Variants in EPSTI1 observed in about 807,000 individuals in gnomAD.
EPSTI1 encodes epithelial stromal interaction 1, also known as epithelial-stromal interaction protein 1.
In EPSTI1, 66 loss-of-function variants were observed where a neutral mutation model predicts 49.9. The ratio of observed to expected loss-of-function variants is 1.32; its 90% confidence interval spans 1.08 to 1.62. EPSTI1 has a LOEUF of 1.62. Ranked by LOEUF, EPSTI1 falls within the 40% of genes most tolerant of loss-of-function variation. EPSTI1 has a pLI of 0.00. For synonymous variants in EPSTI1, 137 were observed against 130.7 expected (o/e 1.05, Z -0.33); for missense variants, 394 against 365.5 (o/e 1.08, Z -0.64).
intron 6 of EPSTI1, among the ~76,000 whole-genome samples, chr13:42,943,952 A>T (rs1006803178): frequency 6.6e-6 from 1 of 152,250 alleles, no homozygotes; most frequent in African/African-American, 2.4e-5. Context: ...AGAAATGCAA[A>T]TCAAAATCAC....
In EPSTI1 at chr13:42,941,625, A is replaced by AC. The variant is rs2038753444; in HGVS notation, c.563+12322_563+12323insG. Reference sequence around the variant, plus strand: ...ACAGAGCAAGACACTGGAAAAAAAAAAAAACAGAAAAAAAATTTTTTAAGT... The same window carrying AC: ...ACAGAGCAAGACACTGGAAAAAAAAACAAAACAGAAAAAAAATTTTTTAAGT... On this transcript the variant is annotated intron_variant, in intron 6 of 10. Transcript: ENST00000313624. 2.7e-5 allele frequency among the ~76,000 whole-genome samples: 4 copies of AC among 150,730 alleles called. No homozygotes were observed. The South Asian group carries it at 8.4e-4, about 31-fold the overall frequency.
At chr13:42,904,116 T>A (rs1485175964) in intron 8 of EPSTI1, among the ~76,000 whole-genome samples, 1 of 152,102 alleles carries the variant, frequency 6.6e-6, no homozygotes, top group Non-Finnish European at 1.5e-5. Flanking sequence ...AGGAAACCCA[T>A]AAACAAGTGA....
intron 10 of EPSTI1, among the ~76,000 whole-genome samples, chr13:42,889,963 T>C (rs2036979505): frequency 6.6e-6 from 1 of 152,208 alleles, no homozygotes; most frequent in Non-Finnish European, 1.5e-5. Context: ...CCTAATTTCA[T>C]GTAAGTACTC....
chr13:42,953,190 A>G (rs1335989074), intron 6 of EPSTI1, among the ~76,000 whole-genome samples: 4 of 151,348 alleles, frequency 2.6e-5, no homozygotes, highest in Non-Finnish European at 5.9e-5. Flanking sequence ...CTTTTATGTC[A>G]TTTACATATT....
chr13:42,991,426 C>T (rs1171338952), intron 1 of EPSTI1, among the ~76,000 whole-genome samples: 1 of 152,202 alleles, frequency 6.6e-6, no homozygotes, highest in Non-Finnish European at 1.5e-5. Flanking sequence ...GCTGGGACTA[C>T]AGGCACGTGC....
At chr13:42,946,907 G>A (rs1226239766) in intron 6 of EPSTI1, among the ~76,000 whole-genome samples, 2 of 152,182 alleles carry the variant, frequency 1.3e-5, no homozygotes, top group Non-Finnish European at 2.9e-5. Context: ...ATCTGAGGTG[G>A]AACAGTTTCA....
intron 6 of EPSTI1, among the ~76,000 whole-genome samples, chr13:42,948,500 G>A (rs1303087350): frequency 1.3e-5 from 2 of 149,034 alleles, no homozygotes; most frequent in Non-Finnish European, 3.0e-5. Flanking sequence ...GTGAGACAAG[G>A]TCTCGTTCTG....
At chr13:42,923,921 G>C (rs1004807909) in intron 7 of EPSTI1, among the ~76,000 whole-genome samples, 2 of 152,148 alleles carry the variant, frequency 1.3e-5, no homozygotes, top group Non-Finnish European at 2.9e-5. Flanking sequence ...AGTTACATTA[G>C]GTAGTAAAAT....
Position 42,917,638 on chromosome 13 carries a change from A to AACAC in EPSTI1, c.658-15_658-14insGTGT. On this transcript the variant is annotated splice_polypyrimidine_tract_variant and intron_variant, in intron 7 of 10. Transcript: ENST00000313624. ...CCAGCTTCTGGCCTGTAAAGGTACA[A>AACAC]AGAGAAAAAAAAAAAAAAAAACAAC... 2.0e-6 allele frequency: 2 copies of AACAC among 990,214 alleles called. No homozygotes were observed. Among genetic ancestry groups the AACAC allele is most frequent in the Admixed American group, 2.6e-5 (1 of 38,098 alleles). The allele number at this position is 990,214 out of a possible 1,614,324, so 61.3% of individuals were successfully genotyped here.
chr13:42,928,457 G>A (rs1594665157), intron 6 of EPSTI1, among the ~76,000 whole-genome samples: 1 of 152,124 alleles, frequency 6.6e-6, no homozygotes, highest in East Asian at 1.9e-4. Flanking sequence ...CTTGCCCTTG[G>A]GGGTTCTTGG....
chr13:42,889,612 C>T (rs1261809577), intron 10 of EPSTI1, among the ~76,000 whole-genome samples: 1 of 152,066 alleles, frequency 6.6e-6, no homozygotes, highest in East Asian at 1.9e-4. Context: ...GTGACATATC[C>T]TTAATTTAAT....
In EPSTI1 at chr13:42,890,810, C is replaced by CT. The variant is rs1319429609; in HGVS notation, c.916-2309dup. 3.3e-5 allele frequency among the ~76,000 whole-genome samples: 5 copies of CT among 151,934 alleles called. No individual in the cohort carries two copies. The East Asian group carries it at 9.7e-4, about 29-fold the overall frequency. ...TTGTATCATCTGTGATTTATAAAGGCTTTTTTTCCCCCTTTTCAATCCTTA... is the reference window on the plus strand; with the variant it reads ...TTGTATCATCTGTGATTTATAAAGGCTTTTTTTTCCCCCTTTTCAATCCTTA... On this transcript the variant is annotated intron_variant, in intron 10 of 10. Coordinates refer to ENST00000313624, the MANE Select transcript of EPSTI1 (RefSeq NM_033255.5).
chr13:42,953,900 T>C, intron 6 of EPSTI1, 48 bp downstream of exon 6: 1 of 1,488,500 alleles, frequency 6.7e-7, no homozygotes, highest in Non-Finnish European at 9.3e-7. Flanking sequence ...AAAACCTCTA[T>C]GAACAATCTG....
intron 6 of EPSTI1, chr13:42,934,417 A>G (rs2153423862): frequency 6.5e-6 from 1 of 154,074 alleles, no homozygotes; most frequent in East Asian, 1.9e-4. Context: ...CCAGTTATTA[A>G]TACTTTCTCA....
chr13:42,969,315 A>C lies in EPSTI1; in HGVS notation c.248-138T>G, dbSNP rs1252412495. ...GAGTGAACAAGGCTTCCAGGTTAGA[A>C]ACACAATATTCAGCCCTGACCCGTA... is the stretch of plus-strand genomic sequence containing the variant. On this transcript the variant is annotated intron_variant, in intron 2 of 10. Transcript: ENST00000313624. The C allele has an allele frequency of 1.8e-5, 15 of 819,934 alleles. 1 individual carries two copies. The Admixed American group carries it at 3.8e-4, about 21-fold the overall frequency. 50.8% of individuals were successfully genotyped at this position (819,934 alleles called of 1,614,324 possible).
intron 7 of EPSTI1, among the ~76,000 whole-genome samples, chr13:42,924,484 G>T (rs544301720): frequency 3.8e-4 from 58 of 152,298 alleles, no homozygotes; most frequent in Non-Finnish European, 6.6e-4. Context: ...TCTGCCAGGT[G>T]TTCCACATTG....
intron 10 of EPSTI1, among the ~76,000 whole-genome samples, chr13:42,894,673 C>A: frequency 4.7e-5 from 1 of 21,376 alleles, no homozygotes. Flanking sequence ...AACCATATTT[C>A]TGAAAAAAAA....
rs534203487 is a variant in EPSTI1 at position 42,950,695 on chromosome 13, T to A, written c.563+3253A>T. 9.7e-4 allele frequency among the ~76,000 whole-genome samples: 148 copies of A among 152,334 alleles called. No homozygotes were observed. In the Middle Eastern group the frequency reaches 0.014, roughly 14 times the overall value. On this transcript the variant is annotated intron_variant, in intron 6 of 10. Coordinates refer to ENST00000313624, the MANE Select transcript of EPSTI1 (RefSeq NM_033255.5). ...TACCATTCCTGGTTTGCTGTATGAA[T>A]CACACATTGCAGCATGGTGAAACTA...
At chr13:42,946,286 A>C (rs1250954989) in intron 6 of EPSTI1, among the ~76,000 whole-genome samples, 2 of 152,200 alleles carry the variant, frequency 1.3e-5, no homozygotes, top group African/African-American at 4.8e-5. Flanking sequence ...AAATGAAGAA[A>C]ACTTTCCAAT....
Sources: allele counts gnomAD v4.1 joint callset (sites outside exome capture counted in the v4.1 genomes callset), GRCh38; gene constraint gnomAD v4.1.1; transcripts MANE v1.5; gene names NCBI Gene and HGNC (gene_info 2026-07-23, HGNC 2026-07-21).